The following FGD5 variants were observed in gnomAD, a reference collection of about 807,000 sequenced individuals.
The protein encoded by FGD5 is FYVE, RhoGEF and PH domain containing 5, also known as FYVE, RhoGEF and PH domain-containing protein 5.
In FGD5, 28 loss-of-function variants were observed where a neutral mutation model predicts 133.4. The observed-to-expected ratio is 0.21, with a 90% confidence interval of 0.16 to 0.29. The LOEUF (loss-of-function observed/expected upper bound fraction) is 0.29, where lower values mean the gene tolerates loss of function less well. Ranked by LOEUF, FGD5 falls within the 10% of genes least tolerant of loss-of-function variation. FGD5 has a pLI of 1.00. For synonymous variants in FGD5, 810 were observed against 776.5 expected, an observed-to-expected ratio of 1.04 and a Z score of -0.72; for missense variants, 1,858 against 1,895.2, an observed-to-expected ratio of 0.98 and a Z score of 0.36.
intron 2 of FGD5, among the ~76,000 whole-genome samples, chr3:14,868,544 C>T (rs547906850): frequency 6.6e-6 from 1 of 152,332 alleles, no homozygotes; most frequent in African/African-American, 2.4e-5. Flanking sequence ...TTAAACACCA[C>T]CATGCACTTT....
chr3:14,824,122 C>T (rs1015898499), intron 1 of FGD5, among the ~76,000 whole-genome samples: 15 of 152,220 alleles, frequency 9.9e-5, no homozygotes, highest in African/African-American at 2.7e-4. Flanking sequence ...ATAAATCTCC[C>T]ATACAGGAAC....
intron 1 of FGD5, among the ~76,000 whole-genome samples, chr3:14,822,427 G>A (rs2125070158): frequency 6.6e-6 from 1 of 151,650 alleles, no homozygotes; most frequent in East Asian, 1.9e-4. Flanking sequence ...ATTGTTTAAA[G>A]AGCTGATGGT....
At chr3:14,856,252 G>T (rs2037275111) in intron 1 of FGD5, among the ~76,000 whole-genome samples, 1 of 152,120 alleles carries the variant, frequency 6.6e-6, no homozygotes, top group South Asian at 2.1e-4. Context: ...TTATTCCAGT[G>T]CCATGCTTTT....
chr3:14,870,148 TGGCATGAGGG>T, intron 2 of FGD5, among the ~76,000 whole-genome samples: 1 of 61,364 alleles, frequency 1.6e-5, no homozygotes, highest in Admixed American at 1.6e-4. Context: ...GGAGCCCGAA[TGGCATGAGGG>T]AGCCCGCACT....
At chr3:14,827,568 C>A (rs910703625) in intron 1 of FGD5, among the ~76,000 whole-genome samples, 1 of 152,054 alleles carries the variant, frequency 6.6e-6, no homozygotes, top group African/African-American at 2.4e-5. Flanking sequence ...ACAGCCACCC[C>A]CAAAGTGTTA....
chr3:14,820,054 T>C lies in FGD5; in HGVS notation c.983T>C (p.Val328Ala). ...DESAEESCQI[V>A]PFENDCMEDF... ...TCCGCCGAGGAGAGCTGCCAGATTG[T>C]CCCTTTTGAGAATGACTGCATGGAG... The change falls in exon 1 of 20, where the codon GTC (valine) becomes GCC (alanine). Residue 328 changes from valine (V) to alanine (A), a missense_variant. This residue lies in a region of FGD5 where 1,824 missense variants were observed against 1,848.9 expected (regional missense o/e 0.99). Coordinates refer to ENST00000285046, the MANE Select transcript of FGD5 (RefSeq NM_152536.4). The C allele has an allele frequency of 6.2e-7, 1 of 1,613,978 alleles. No homozygotes were observed. The highest frequency in any genetic ancestry group is 8.5e-7 in the Non-Finnish European group (1 of 1,179,888).
chr3:14,874,627 T>C (rs1173387246), intron 2 of FGD5, among the ~76,000 whole-genome samples: 1 of 152,174 alleles, frequency 6.6e-6, no homozygotes, highest in African/African-American at 2.4e-5. Flanking sequence ...GAAGGAAAAC[T>C]GCAGCTTCTC....
At chr3:14,867,925 G>T in intron 2 of FGD5, among the ~76,000 whole-genome samples, 1 of 151,962 alleles carries the variant, frequency 6.6e-6, no homozygotes, top group Non-Finnish European at 1.5e-5. Flanking sequence ...AGGTGTTTTT[G>T]GGGGTGCAGT....
chr3:14,824,246 C>T (rs994371890), intron 1 of FGD5, among the ~76,000 whole-genome samples: 1 of 152,174 alleles, frequency 6.6e-6, no homozygotes, highest in Non-Finnish European at 1.5e-5. Flanking sequence ...CAGGTCTGGG[C>T]AAGGGAGGTT....
At chr3:14,827,374 C>T (rs1269633196) in intron 1 of FGD5, among the ~76,000 whole-genome samples, 26 of 151,140 alleles carry the variant, frequency 1.7e-4, no homozygotes, top group Middle Eastern at 3.2e-3. Flanking sequence ...CTGCAAGCTC[C>T]GCCTCCCAGG....
At chr3:14,882,699 A>G (rs1462224835) in intron 4 of FGD5, among the ~76,000 whole-genome samples, 3 of 106,760 alleles carry the variant, frequency 2.8e-5, no homozygotes, top group East Asian at 1.1e-3. Flanking sequence ...CTCTGTCTGA[A>G]AAAAAAAAAA....
rs1252264008 is a variant in FGD5, at chr3:14,923,244, CTG to C, written c.3937+72_3937+73del. 21 of 1,549,458 alleles carry C rather than the reference CTG, an allele frequency of 1.4e-5. No homozygotes were observed. In the African/African-American group the frequency reaches 2.6e-4, roughly 19 times the overall value. On this transcript the variant is annotated intron_variant, in intron 16 of 19. Transcript: ENST00000285046. The stretch of plus-strand genomic sequence containing the variant: ...TTCTCCCCAGGCTCCAGTGGCTTCT[CTG>C]TGGTCCATGGTTCATGCCTGAAACC...
chr3:14,878,954 G>A (rs1164144087), intron 2 of FGD5, among the ~76,000 whole-genome samples: 3 of 152,058 alleles, frequency 2.0e-5, no homozygotes, highest in Non-Finnish European at 4.4e-5. Context: ...TGTTCCACCC[G>A]CCTTAGCCTC....
intron 2 of FGD5, among the ~76,000 whole-genome samples, chr3:14,870,319 G>T (rs1273799385): frequency 6.6e-6 from 1 of 152,144 alleles, no homozygotes; most frequent in Non-Finnish European, 1.5e-5. Flanking sequence ...GGAGAGATTC[G>T]TCAGGTCTTC....
At chr3:14,814,680 A>T (rs1281264909), upstream of FGD5, among the ~76,000 whole-genome samples, 2 of 151,814 alleles carry the variant, frequency 1.3e-5, no homozygotes, top group African/African-American at 4.8e-5. Flanking sequence ...CTCCGGCCAG[A>T]CCTCTCTTCA....
intron 2 of FGD5, among the ~76,000 whole-genome samples, chr3:14,871,811 G>A (rs543842548): frequency 3.5e-4 from 53 of 152,348 alleles, no homozygotes; most frequent in Middle Eastern, 6.8e-3. Flanking sequence ...TCTCAGACAT[G>A]CCCTTTGCCC....
At chr3:14,891,187 C>T (rs773931127) in intron 4 of FGD5, among the ~76,000 whole-genome samples, 7 of 152,274 alleles carry the variant, frequency 4.6e-5, no homozygotes, top group Non-Finnish European at 7.4e-5. Flanking sequence ...TGGAGACTCA[C>T]GGGGAAAGAG....
chr3:14,908,858 C>T (rs983437027), intron 10 of FGD5, among the ~76,000 whole-genome samples: 12 of 151,130 alleles, frequency 7.9e-5, no homozygotes, highest in South Asian at 2.1e-4. Flanking sequence ...CCAGCCCGGG[C>T]GACAGTGCGA....
At chr3:14,811,262 G>C (rs757499722) in intron 1 of FGD5, 10 of 152,216 alleles carry the variant, frequency 6.6e-5, no homozygotes, top group Non-Finnish European at 1.2e-4. Context: ...ACCGGTCCTT[G>C]CTCATCTCTC....
Sources: allele counts gnomAD v4.1 joint callset (sites outside exome capture counted in the v4.1 genomes callset), GRCh38; gene constraint gnomAD v4.1.1; regional missense constraint gnomAD v4.1.1; transcripts MANE v1.5; gene names NCBI Gene and HGNC (gene_info 2026-07-23, HGNC 2026-07-21).